SPHK1: variants seen among roughly 807,000 people sequenced by gnomAD.
The protein encoded by SPHK1 is SK 1.
SPHK1 carries 10 observed loss-of-function variants against 14.6 expected under a neutral mutation model. The ratio of observed to expected loss-of-function variants is 0.68; its 90% CI spans 0.42 to 1.16. SPHK1 has a LOEUF of 1.16. SPHK1 is among the 50% of genes most tolerant of loss of function. SPHK1 has a pLI of 0.00. For synonymous variants in SPHK1, 274 were observed against 224.0 expected (o/e 1.22, Z -1.99); for missense variants, 553 against 525.4 (o/e 1.05, Z -0.51).
rs1480247770 is a variant in SPHK1 at position 76,385,029 on chromosome 17, T to A, written c.-195+223T>A. 56 of 1,498,092 alleles carry A rather than the reference T, an allele frequency of 3.7e-5. No individual in the cohort carries two copies. The highest frequency in any genetic ancestry group is 4.6e-5 in the Non-Finnish European group (51 of 1,112,746). 92.8% of individuals were successfully genotyped at this position (1,498,092 alleles called of 1,614,324 possible). Reference sequence around the variant, plus strand: ...AAGCGCGCGCCGCGGCTCCCACCGCTCTGGAGCTCCGGGCAGGGGACACGG... The same window carrying A: ...AAGCGCGCGCCGCGGCTCCCACCGCACTGGAGCTCCGGGCAGGGGACACGG... On this transcript the variant is annotated intron_variant, in intron 1 of 5. Transcript: ENST00000592299. The surrounding 1 kb of genome is among the most constrained non-coding windows in gnomAD (Gnocchi z 5.3).
At chr17:76,383,575 G>A, upstream of SPHK1, 1 of 260,422 alleles carries the variant, frequency 3.8e-6, no homozygotes, top group Non-Finnish European at 7.8e-6. Context: ...GAGCCCCGCA[G>A]CCTCCCGCAG....
In SPHK1 at chr17:76,385,302, C is replaced by T. The variant is rs1286645588; in HGVS notation, c.-194-149C>T. The T allele has an allele frequency of 1.4e-5, 21 of 1,462,656 alleles. No homozygotes were observed. The South Asian group carries it at 2.4e-4, about 17-fold the overall frequency. 90.6% of individuals were successfully genotyped at this position (1,462,656 alleles called of 1,614,324 possible). A position where few individuals can be genotyped will look rare whatever the true frequency, so the allele number is the denominator to read the frequency against. On this transcript the variant is annotated intron_variant, in intron 1 of 5. Transcript: ENST00000592299. This position sits in a 1 kb window ranked among gnomAD's most constrained non-coding sequence, Gnocchi z 5.3. ...AGGGATTGTAGGCTTAGTCACACGG[C>T]GGGGGCGCCCTCGGAGGCACCGGAC...
chr17:76,383,719 C>T (rs2071907884), upstream of SPHK1: 1 of 672,724 alleles, frequency 1.5e-6, no homozygotes. Flanking sequence ...TGTGGCTTGC[C>T]GCGATAAGTG....
Position 76,385,156 on chromosome 17 carries a change from G to C in SPHK1, c.-194-295G>C. On this transcript the variant is annotated intron_variant, in intron 1 of 5. Coordinates refer to ENST00000592299, the MANE Select transcript of SPHK1 (RefSeq NM_001142601.2). This position sits in a 1 kb window ranked among gnomAD's most constrained non-coding sequence, Gnocchi z 5.3. ...TACGCAGCTGGACTCCCCTCCCCCTGGCAGCCCCGAGGGGTGAGGAGCTAG... is the reference window on the plus strand; with the variant it reads ...TACGCAGCTGGACTCCCCTCCCCCTCGCAGCCCCGAGGGGTGAGGAGCTAG... The C allele has an allele frequency of 6.3e-7, 1 of 1,595,306 alleles. No individual in the cohort carries two copies. Among genetic ancestry groups the C allele is most frequent in the Non-Finnish European group, 8.5e-7 (1 of 1,172,370 alleles).
rs55858018 is a variant in SPHK1, at chr17:76,385,503, C to A, written c.-142C>A. 22 of 1,552,872 alleles carry A rather than the reference C, an allele frequency of 1.4e-5. No individual in the cohort carries two copies. In the East Asian group the frequency reaches 5.0e-4, roughly 35 times the overall value. The stretch of plus-strand genomic sequence containing the variant: ...GTGCTCCTGCAGCCACGGCTCCGGG[C>A]GGGGAAGGCGAGCCCCACAGCCGGC... On this transcript the variant is annotated 5_prime_UTR_variant, in exon 2 of 6. Transcript: ENST00000592299. This position sits in a 1 kb window ranked among gnomAD's most constrained non-coding sequence, Gnocchi z 5.3.
rs759722151 is a variant in SPHK1 at position 76,385,954 on chromosome 17, G to A, written c.11-31G>A. On this transcript the variant is annotated intron_variant, in intron 2 of 5. Transcript: ENST00000592299. This position sits in a 1 kb window ranked among gnomAD's most constrained non-coding sequence, Gnocchi z 5.3. Reference sequence around the variant, plus strand: ...CCGTGGCCCCCTAGTGGTCGGTTGCGGACGTGGCCTCTTTGGTTTTGTTTT... The same window carrying A: ...CCGTGGCCCCCTAGTGGTCGGTTGCAGACGTGGCCTCTTTGGTTTTGTTTT... The A allele has an allele frequency of 4.4e-6, 7 of 1,576,314 alleles. No individual in the cohort carries two copies. The highest frequency in any genetic ancestry group is 1.8e-5 in the Admixed American group (1 of 54,902).
chr17:76,383,870 A>G, upstream of SPHK1: 3 of 1,275,674 alleles, frequency 2.4e-6, no homozygotes, highest in Non-Finnish European at 3.1e-6. Context: ...TCCAATCCCG[A>G]CGGGGGCCCC....
chr17:76,385,507 G>T lies in SPHK1; in HGVS notation c.-138G>T, dbSNP rs1200676187. 9 of 1,552,252 alleles carry T rather than the reference G, an allele frequency of 5.8e-6. No homozygotes were observed. The highest frequency in any genetic ancestry group is 7.8e-6 in the Non-Finnish European group (9 of 1,156,734). On this transcript the variant is annotated 5_prime_UTR_variant, in exon 2 of 6. Transcript: ENST00000592299. This position sits in a 1 kb window ranked among gnomAD's most constrained non-coding sequence, Gnocchi z 5.3. ...TCCTGCAGCCACGGCTCCGGGCGGGGAAGGCGAGCCCCACAGCCGGCCCTG... is the reference window on the plus strand; with the variant it reads ...TCCTGCAGCCACGGCTCCGGGCGGGTAAGGCGAGCCCCACAGCCGGCCCTG...
In SPHK1 at chr17:76,387,002, C is replaced by G; in HGVS notation, c.571C>G (p.Arg191Gly). ...GAAGTATCGGCGTCTGGGGGAGATG[C>G]GCTTCACTCTGGGCACCTTCCTGCG... ...SEKYRRLGEM[R>G]FTLGTFLRLA... The change falls in exon 6 of 6, where the codon CGC becomes GGC. Residue 191 changes from arginine (R) to glycine (G), a missense_variant. Coordinates refer to ENST00000592299, the MANE Select transcript of SPHK1 (RefSeq NM_001142601.2). This position sits in a 1 kb window ranked among gnomAD's most constrained non-coding sequence, Gnocchi z 4.1. The G allele has an allele frequency of 6.2e-7, 1 of 1,613,618 alleles. No individual in the cohort carries two copies. The highest frequency in any genetic ancestry group is 8.5e-7 in the Non-Finnish European group (1 of 1,179,958).
At position 76,385,920 on chromosome 17, in the gene SPHK1, C is replaced by T. The variant is rs150272469; in HGVS notation, c.11-65C>T. The T allele has an allele frequency of 1.3e-6, 2 of 1,535,552 alleles. No homozygotes were observed. The highest frequency in any genetic ancestry group is 1.2e-5 in the South Asian group (1 of 82,764). On this transcript the variant is annotated intron_variant, in intron 2 of 5. Transcript: ENST00000592299. The surrounding 1 kb of genome is among the most constrained non-coding windows in gnomAD (Gnocchi z 5.3). ...GCACCAAGTTCCCACACTAGTGCCC[C>T]ATTGTTACCCGTGGCCCCCTAGTGG...
Position 76,387,528 on chromosome 17 carries a change from TG to T in SPHK1, c.1099del (p.Glu367SerfsTer58). 6.2e-7 allele frequency: 1 copy of T among 1,610,524 alleles called. No homozygotes were observed. Among genetic ancestry groups the T allele is most frequent in the African/African-American group, 1.3e-5 (1 of 74,970 alleles). On this transcript the variant is annotated frameshift_variant, in exon 6 of 6. Transcript: ENST00000592299. LOFTEE classifies it low-confidence loss of function (END_TRUNC). This position sits in a 1 kb window ranked among gnomAD's most constrained non-coding sequence, Gnocchi z 4.1. ...TACTTCTGGATGGTCAGCGGTTGCG[TG>T]GAGCCCCCGCCCAGCTGGAAGCCCC... is the stretch of plus-strand genomic sequence containing the variant. ...PNYFWMVSGC[V>X]EPPPSWKPQQ... is the part of the protein sequence containing the mutation.
chr17:76,387,728 G>T lies in SPHK1; in HGVS notation c.*142G>T. 2 of 1,013,458 alleles carry T rather than the reference G, an allele frequency of 2.0e-6. No individual in the cohort carries two copies. Among genetic ancestry groups the T allele is most frequent in the Non-Finnish European group, 2.8e-6 (2 of 719,958 alleles). The allele number at this position is 1,013,458 out of a possible 1,614,324, so 62.8% of individuals were successfully genotyped here. A position where few individuals can be genotyped will look rare whatever the true frequency, so the allele number is the denominator to read the frequency against. On this transcript the variant is annotated 3_prime_UTR_variant, in exon 6 of 6. Coordinates refer to ENST00000592299, the MANE Select transcript of SPHK1 (RefSeq NM_001142601.2). This position sits in a 1 kb window ranked among gnomAD's most constrained non-coding sequence, Gnocchi z 4.1. Reference sequence around the variant, plus strand: ...GAGAAGGTGGAGGCTATGCTTTGGGGGGACAGGCCAGAATGAAGTCCTGGG... The same window carrying T: ...GAGAAGGTGGAGGCTATGCTTTGGGTGGACAGGCCAGAATGAAGTCCTGGG...
In SPHK1 at chr17:76,387,039, T is replaced by TG; in HGVS notation, c.609dup (p.Arg204AlafsTer68). On this transcript the variant is annotated frameshift_variant, in exon 6 of 6. Coordinates refer to ENST00000592299, the MANE Select transcript of SPHK1 (RefSeq NM_001142601.2). LOFTEE classifies it low-confidence loss of function (END_TRUNC). This position sits in a 1 kb window ranked among gnomAD's most constrained non-coding sequence, Gnocchi z 4.1. ...GGCACCTTCCTGCGTCTGGCAGCCC[T>TG]GCGCACCTACCGCGGCCGACTGGCC... 6.2e-7 allele frequency: 1 copy of TG among 1,613,618 alleles called. No homozygotes were observed. The highest frequency in any genetic ancestry group is 8.5e-7 in the Non-Finnish European group (1 of 1,180,028).
Position 76,387,052 on chromosome 17 carries a change from C to T in SPHK1, c.621C>T (p.Arg207=), listed in dbSNP as rs1276545320. 15 of 1,613,426 alleles carry T rather than the reference C, an allele frequency of 9.3e-6. No individual in the cohort carries two copies. The highest frequency in any genetic ancestry group is 1.6e-4 in the Middle Eastern group (1 of 6,084). Residue 207 remains arginine, a synonymous_variant, in exon 6 of 6, where the codon CGC becomes CGT. Coordinates refer to ENST00000592299, the MANE Select transcript of SPHK1 (RefSeq NM_001142601.2). The surrounding 1 kb of genome is among the most constrained non-coding windows in gnomAD (Gnocchi z 4.1). ...FLRLAALRTY[R]GRLAYLPVGR... Reference sequence around the variant, plus strand: ...GTCTGGCAGCCCTGCGCACCTACCGCGGCCGACTGGCCTACCTCCCTGTAG... The same window carrying T: ...GTCTGGCAGCCCTGCGCACCTACCGTGGCCGACTGGCCTACCTCCCTGTAG...
Position 76,387,317 on chromosome 17 carries a change from C to T in SPHK1, c.886C>T (p.Arg296Cys), listed in dbSNP as rs771327649. 5.6e-6 allele frequency: 9 copies of T among 1,613,358 alleles called. No individual in the cohort carries two copies. The Admixed American group carries it at 8.3e-5, about 15-fold the overall frequency. The change falls in exon 6 of 6, where the codon CGT (arginine) becomes TGT (cysteine). Residue 296 changes from arginine to cysteine, a missense_variant. Coordinates refer to ENST00000592299, the MANE Select transcript of SPHK1 (RefSeq NM_001142601.2). The surrounding 1 kb of genome is among the most constrained non-coding windows in gnomAD (Gnocchi z 4.1). Reference sequence around the variant, plus strand: ...GTTCTACGTGCGGGCGGGAGTGTCTCGTGCCATGCTGCTGCGCCTCTTCCT... The same window carrying T: ...GTTCTACGTGCGGGCGGGAGTGTCTTGTGCCATGCTGCTGCGCCTCTTCCT... ...HLFYVRAGVS[R>C]AMLLRLFLAM... is the part of the protein sequence containing the mutation.
Position 76,385,367 on chromosome 17 carries a change from C to T in SPHK1, c.-194-84C>T. 6.9e-7 allele frequency: 1 copy of T among 1,449,096 alleles called. No homozygotes were observed. The highest frequency in any genetic ancestry group is 9.1e-7 in the Non-Finnish European group (1 of 1,104,300). The allele number at this position is 1,449,096 out of a possible 1,614,324, so 89.8% of individuals were successfully genotyped here. A position where few individuals can be genotyped will look rare whatever the true frequency, so the allele number is the denominator to read the frequency against. On this transcript the variant is annotated intron_variant, in intron 1 of 5. Transcript: ENST00000592299. The surrounding 1 kb of genome is among the most constrained non-coding windows in gnomAD (Gnocchi z 5.3). ...CTTCCCGGGAACCTGGCTCCCCGCGCGTGGTCCCGGGATTTAGTCGGGCGC... is the reference window on the plus strand; with the variant it reads ...CTTCCCGGGAACCTGGCTCCCCGCGTGTGGTCCCGGGATTTAGTCGGGCGC...
rs2071957315 is a variant in SPHK1, at chr17:76,385,591, A to C, written c.-54A>C. On this transcript the variant is annotated 5_prime_UTR_variant, in exon 2 of 6. Coordinates refer to ENST00000592299, the MANE Select transcript of SPHK1 (RefSeq NM_001142601.2). The surrounding 1 kb of genome is among the most constrained non-coding windows in gnomAD (Gnocchi z 5.3). ...GAAGGCAGGAGCCGCCGCCACGGGC[A>C]GCGCCCCCACAGCGCCAGGGACCCC... The C allele has an allele frequency of 6.5e-7, 1 of 1,540,004 alleles. No individual in the cohort carries two copies. The highest frequency in any genetic ancestry group is 1.2e-5 in the South Asian group (1 of 84,398).
chr17:76,386,608 T>C lies in SPHK1; in HGVS notation c.374+100T>C. ...CCCATAGGCTGAGATCATTTCCATT[T>C]CCCCTTCTCCCTTAGTCCTGGGGCC... On this transcript the variant is annotated intron_variant, in intron 5 of 5. Transcript: ENST00000592299. This position sits in a 1 kb window ranked among gnomAD's most constrained non-coding sequence, Gnocchi z 5.3. 7.9e-7 allele frequency: 1 copy of C among 1,271,814 alleles called. No homozygotes were observed. Among genetic ancestry groups the C allele is most frequent in the South Asian group, 1.4e-5 (1 of 70,426 alleles). The allele number at this position is 1,271,814 out of a possible 1,614,324, so 78.8% of individuals were successfully genotyped here.
rs12940922 is a variant in SPHK1 at position 76,386,318 on chromosome 17, G to C, written c.258+3G>C. The C allele has an allele frequency of 4.9e-5, 79 of 1,606,346 alleles. No individual in the cohort carries two copies. The highest frequency in any genetic ancestry group is 6.1e-5 in the Non-Finnish European group (72 of 1,179,146). ...CTGGAGACGGGCTGATGCACGAGGT[G>C]AGGACCGCACTGCGCGGCTAGGCCT... On this transcript the variant is annotated splice_donor_region_variant and intron_variant, in intron 4 of 5. Transcript: ENST00000592299. This position sits in a 1 kb window ranked among gnomAD's most constrained non-coding sequence, Gnocchi z 5.3.
Sources: allele counts gnomAD v4.1 joint callset, GRCh38; gene constraint gnomAD v4.1.1; non-coding constraint Gnocchi (gnomAD v3.1); transcripts MANE v1.5; gene names NCBI Gene and HGNC (gene_info 2026-07-23, HGNC 2026-07-21).